Variants in DSTYK observed in about 807,000 individuals in gnomAD.
DSTYK encodes the protein RIP-homologous kinase.
In DSTYK, 34 loss-of-function variants were observed where a neutral mutation model predicts 98.7. The observed-to-expected ratio is 0.34, with a 90% confidence interval of 0.26 to 0.46. DSTYK has a LOEUF of 0.46. DSTYK is among the 20% of genes least tolerant of loss of function. The pLI, the probability that DSTYK is intolerant of heterozygous loss-of-function variation, is 1.00. For synonymous variants in DSTYK, 462 were observed against 457.3 expected, an observed-to-expected ratio of 1.01 and a Z score of -0.13; for missense variants, 962 against 1,181.7, an observed-to-expected ratio of 0.81 and a Z score of 2.73.
At chr1:205,178,565 T>C (rs970919621) in intron 2 of DSTYK, among the ~76,000 whole-genome samples, 1 of 152,218 alleles carries the variant, frequency 6.6e-6, no homozygotes, top group African/African-American at 2.4e-5. Flanking sequence ...TTCATTTTAT[T>C]ACAAAAGTAA....
At chr1:205,154,371 C>T (rs1224370598) in intron 10 of DSTYK, among the ~76,000 whole-genome samples, 3 of 152,204 alleles carry the variant, frequency 2.0e-5, no homozygotes, top group Admixed American at 6.5e-5. Context: ...ATAATCCCCA[C>T]ATGTCGTGGG....
chr1:205,155,331 A>C (rs1203444890), intron 10 of DSTYK, among the ~76,000 whole-genome samples: 1 of 152,050 alleles, frequency 6.6e-6, no homozygotes, highest in Non-Finnish European at 1.5e-5. Context: ...GGCAGAGCAT[A>C]ATAGTTTGAA....
intron 1 of DSTYK, among the ~76,000 whole-genome samples, chr1:205,206,826 C>T (rs1018460719): frequency 1.3e-5 from 2 of 152,110 alleles, no homozygotes; most frequent in Non-Finnish European, 2.9e-5. Context: ...CCTTGGCCTC[C>T]CAAAGTGCTG....
intron 1 of DSTYK, among the ~76,000 whole-genome samples, chr1:205,203,531 AGGGGTACGGT>A (rs1659106455): frequency 3.0e-5 from 1 of 32,940 alleles, no homozygotes; most frequent in African/African-American, 1.3e-4. Flanking sequence ...AGGGGAGGGG[AGGGGTACGGT>A]AGGGAAGGGG....
chr1:205,148,342 G>A lies in DSTYK; in HGVS notation c.2468-3C>T. 1 of 1,613,564 alleles carries A rather than the reference G, an allele frequency of 6.2e-7. No individual in the cohort carries two copies. On this transcript the variant is annotated splice_region_variant and splice_polypyrimidine_tract_variant and intron_variant, in intron 11 of 12. Coordinates refer to ENST00000367162, the MANE Select transcript of DSTYK (RefSeq NM_015375.3). ...ATCCACGGAATTATCGTACTTCCCT[G>A]ATGGCAAGAAAGGATGAAACGTAAT...
intron 1 of DSTYK, 54 bp downstream of exon 1, chr1:205,211,212 GCGGTC>G: frequency 6.6e-7 from 1 of 1,525,502 alleles, no homozygotes; most frequent in Admixed American, 2.0e-5. Flanking sequence ...GGGCAGGGGT[GCGGTC>G]CGTCCTCCGA....
intron 1 of DSTYK, among the ~76,000 whole-genome samples, chr1:205,200,883 G>A (rs1002492635): frequency 1.3e-5 from 2 of 152,088 alleles, no homozygotes; most frequent in African/African-American, 4.8e-5. Flanking sequence ...TAGCACAACA[G>A]GGTGACTATA....
chr1:205,164,422 A>G (rs1657825575), intron 3 of DSTYK, among the ~76,000 whole-genome samples: 2 of 152,006 alleles, frequency 1.3e-5, no homozygotes, highest in Non-Finnish European at 2.9e-5. Context: ...AAAAAAATAA[A>G]TAAGAAGCAA....
At chr1:205,202,269 A>C (rs1484304774) in intron 1 of DSTYK, 1 of 626,720 alleles carries the variant, frequency 1.6e-6, no homozygotes, top group Non-Finnish European at 3.1e-6. Flanking sequence ...TGTTCACTTT[A>C]AGAATACTCA....
At position 205,150,609 on chromosome 1, in the gene DSTYK, G is replaced by A; in HGVS notation, c.2467+71C>T. 3 of 1,258,668 alleles carry A rather than the reference G, an allele frequency of 2.4e-6. No homozygotes were observed. The highest frequency in any genetic ancestry group is 2.3e-6 in the Non-Finnish European group (2 of 873,780). The allele number at this position is 1,258,668 out of a possible 1,614,324, so 78.0% of individuals were successfully genotyped here. A position where few individuals can be genotyped will look rare whatever the true frequency, so the allele number is the denominator to read the frequency against. ...CTGCCAGTAGTGATTGTGGAAACGA[G>A]CTCAAGGGGTAGCACTCAGGATTAA... On this transcript the variant is annotated intron_variant, in intron 11 of 12. Transcript: ENST00000367162. The surrounding 1 kb of genome is among the most constrained non-coding windows in gnomAD (Gnocchi z 4.1).
rs760338678 is a variant in DSTYK, at chr1:205,163,862, T to G, written c.1418A>C (p.Asn473Thr). The G allele has an allele frequency of 1.6e-5, 26 of 1,614,030 alleles. No homozygotes were observed. The East Asian group carries it at 5.1e-4, about 32-fold the overall frequency. Reference protein sequence around the residue: ...QIQELIISRLNQAVANKLISS... With the variant: ...QIQELIISRLTQAVANKLISS... ...GATCAGCTTATTAGCCACTGCCTGA[T>G]TAAGTCGGGAGATGATGAGTTCCTG... The change falls in exon 4 of 13, where the codon AAT (asparagine) becomes ACT (threonine). Residue 473 changes from asparagine (N) to threonine (T), a missense_variant. Asn to Thr is a moderately conservative substitution (Grantham distance 65). Around this residue, in one of 4 missense-constraint regions of DSTYK, gnomAD observed 660 missense variants for 855.0 expected, o/e 0.77. Coordinates refer to ENST00000367162, the MANE Select transcript of DSTYK (RefSeq NM_015375.3).
At position 205,169,931 on chromosome 1, in the gene DSTYK, G is replaced by T; in HGVS notation, c.655-99C>A. Reference sequence around the variant, plus strand: ...TGAGACCAAAATCCTGATCTACAATGGAACAATTGGACTTCGGTACCCCAG... The same window carrying T: ...TGAGACCAAAATCCTGATCTACAATTGAACAATTGGACTTCGGTACCCCAG... On this transcript the variant is annotated intron_variant, in intron 2 of 12. Transcript: ENST00000367162. The surrounding 1 kb of genome is among the most constrained non-coding windows in gnomAD (Gnocchi z 4.0). 1 of 1,156,142 alleles carries T rather than the reference G, an allele frequency of 8.6e-7. No homozygotes were observed. Among genetic ancestry groups the T allele is most frequent in the Non-Finnish European group, 1.2e-6 (1 of 833,190 alleles). The allele number at this position is 1,156,142 out of a possible 1,614,324, so 71.6% of individuals were successfully genotyped here. A position where few individuals can be genotyped will look rare whatever the true frequency, so the allele number is the denominator to read the frequency against.
At chr1:205,175,699 A>AAT (rs1658207928) in intron 2 of DSTYK, among the ~76,000 whole-genome samples, 1 of 152,206 alleles carries the variant, frequency 6.6e-6, no homozygotes, top group Non-Finnish European at 1.5e-5. Flanking sequence ...AATAAAAATT[A>AAT]ATATAAAGAG....
At chr1:205,188,536 C>T (rs187546618) in intron 1 of DSTYK, among the ~76,000 whole-genome samples, 228 of 152,204 alleles carry the variant, frequency 1.5e-3, no homozygotes, top group African/African-American at 5.1e-3. Flanking sequence ...ACATAGAAAA[C>T]GTATGCTAAA....
chr1:205,175,742 G>C (rs1658209376), intron 2 of DSTYK, among the ~76,000 whole-genome samples: 1 of 152,148 alleles, frequency 6.6e-6, no homozygotes, highest in Non-Finnish European at 1.5e-5. Flanking sequence ...CCTTAGTATG[G>C]CCACCTGAGA....
At chr1:205,179,367 T>G (rs184732992) in intron 2 of DSTYK, among the ~76,000 whole-genome samples, 3 of 152,070 alleles carry the variant, frequency 2.0e-5, no homozygotes, top group Non-Finnish European at 4.4e-5. Flanking sequence ...ATGCCTGTAC[T>G]CCCAGCACTT....
Position 205,211,551 on chromosome 1 carries a change from T to C in DSTYK, c.-16A>G. ...CGCCCTCCATCGCCTCTGCCCGCTC[T>C]GTCTTTGCGGCTCGGTCCCCGGCCG... On this transcript the variant is annotated 5_prime_UTR_variant, in exon 1 of 13. Coordinates refer to ENST00000367162, the MANE Select transcript of DSTYK (RefSeq NM_015375.3). 4 of 1,481,308 alleles carry C rather than the reference T, an allele frequency of 2.7e-6. No homozygotes were observed. The highest frequency in any genetic ancestry group is 2.7e-6 in the Non-Finnish European group (3 of 1,123,882). 91.8% of individuals were successfully genotyped at this position (1,481,308 alleles called of 1,614,324 possible).
Position 205,205,490 on chromosome 1 carries a change from A to G in DSTYK, c.265+5781T>C, listed in dbSNP as rs982116810. ...AGACACAGTCTCACTCTATCACCCA[A>G]GCTGGAGTGCACTGGCATGATCTCA... On this transcript the variant is annotated intron_variant, in intron 1 of 12. Transcript: ENST00000367162. 2.6e-5 allele frequency among the ~76,000 whole-genome samples: 4 copies of G among 151,938 alleles called. No homozygotes were observed. The East Asian group carries it at 7.7e-4, about 29-fold the overall frequency.
chr1:205,157,445 T>A, intron 9 of DSTYK, 59 bp from the exon 10 acceptor site: 1 of 1,372,696 alleles, frequency 7.3e-7, no homozygotes, highest in Non-Finnish European at 1.0e-6. Flanking sequence ...TTCAACTGAC[T>A]ATACTAGGGC....
Sources: allele counts gnomAD v4.1 joint callset (sites outside exome capture counted in the v4.1 genomes callset), GRCh38; gene constraint gnomAD v4.1.1; regional missense constraint gnomAD v4.1.1; non-coding constraint Gnocchi (gnomAD v3.1); transcripts MANE v1.5; gene names NCBI Gene and HGNC (gene_info 2026-07-23, HGNC 2026-07-21).